STPG2: variants seen among roughly 807,000 people sequenced by gnomAD.
STPG2 encodes the protein sperm-tail PG-rich repeat-containing protein 2.
A neutral mutation model predicts 54.2 loss-of-function variants in STPG2; 56 were observed. The observed-to-expected ratio is 1.03, with a 90% CI of 0.83 to 1.29. The LOEUF is 1.29. Ranked by LOEUF, STPG2 falls within the 50% of genes most tolerant of loss-of-function variation. The pLI is 0.00. For missense variants in STPG2, 596 were observed against 544.9 expected (o/e 1.09, Z -0.93); for synonymous variants, 200 against 181.8 (o/e 1.10, Z -0.81).
At chr4:98,087,085 A>G (rs1287235944) in intron 5 of STPG2, among the ~76,000 whole-genome samples, 2 of 152,206 alleles carry the variant, frequency 1.3e-5, no homozygotes, top group Non-Finnish European at 2.9e-5. Context: ...TGATTGTTAT[A>G]CAGACACATA....
intron 10 of STPG2, among the ~76,000 whole-genome samples, chr4:97,606,946 T>A (rs561285320): frequency 6.6e-6 from 1 of 152,026 alleles, no homozygotes; most frequent in African/African-American, 2.4e-5. Flanking sequence ...TCAGATGTAC[T>A]GACATGGAAC....
intron 8 of STPG2, among the ~76,000 whole-genome samples, chr4:97,899,464 A>G (rs1027717448): frequency 6.6e-6 from 1 of 152,030 alleles, no homozygotes; most frequent in Admixed American, 6.6e-5. Flanking sequence ...CTGAACTAGA[A>G]AAAAAATTTT....
At chr4:97,949,251 G>A (rs952913229) in intron 7 of STPG2, among the ~76,000 whole-genome samples, 1 of 151,756 alleles carries the variant, frequency 6.6e-6, no homozygotes, top group African/African-American at 2.4e-5. Flanking sequence ...GGTCACTTTG[G>A]GTTTCCATTT....
intron 9 of STPG2, among the ~76,000 whole-genome samples, chr4:97,742,557 G>GTATATATATA (rs1230964057): frequency 2.6e-5 from 3 of 115,804 alleles, no homozygotes; most frequent in African/African-American, 1.1e-4. Flanking sequence ...GTGTGTGTGT[G>GTATATATATA]TGTGTGTGTC....
At chr4:97,472,951 T>G (rs1729974911) in intron 4 of STPG2, among the ~76,000 whole-genome samples, 1 of 152,240 alleles carries the variant, frequency 6.6e-6, no homozygotes, top group African/African-American at 2.4e-5. Flanking sequence ...TGCTTATGCC[T>G]GTCTTTACTG....
intron 5 of STPG2, among the ~76,000 whole-genome samples, chr4:97,994,165 T>C (rs1354160392): frequency 2.6e-5 from 4 of 152,182 alleles, no homozygotes; most frequent in Non-Finnish European, 4.4e-5. Context: ...AGAGGTTGTA[T>C]CATTCTTACC....
intron 8 of STPG2, among the ~76,000 whole-genome samples, chr4:97,914,408 G>T (rs940461973): frequency 2.0e-5 from 3 of 152,098 alleles, no homozygotes; most frequent in Non-Finnish European, 2.9e-5. Context: ...GTCATGAAAA[G>T]ATTTTTTTTA....
At chr4:98,113,147 T>A (rs2110148032) in intron 3 of STPG2, among the ~76,000 whole-genome samples, 1 of 152,022 alleles carries the variant, frequency 6.6e-6, no homozygotes, top group Middle Eastern at 3.4e-3. Flanking sequence ...CCCTACTTTA[T>A]CCCAGCTAAT....
chr4:97,982,208 A>C (rs1204624431), intron 5 of STPG2, among the ~76,000 whole-genome samples: 1 of 152,090 alleles, frequency 6.6e-6, no homozygotes, highest in East Asian at 1.9e-4. Flanking sequence ...ATTTGAAAAG[A>C]ATTTCAAATT....
chr4:97,829,226 G>A (rs1728361488), intron 9 of STPG2, among the ~76,000 whole-genome samples: 1 of 152,128 alleles, frequency 6.6e-6, no homozygotes, highest in Non-Finnish European at 1.5e-5. Flanking sequence ...GTGATACCCA[G>A]GCAAACAGGG....
At chr4:97,841,164 A>G (rs999033093) in intron 8 of STPG2, among the ~76,000 whole-genome samples, 2 of 151,814 alleles carry the variant, frequency 1.3e-5, no homozygotes, top group African/African-American at 4.8e-5. Context: ...GAACTTTAGG[A>G]TCATATTCTT....
At chr4:97,485,820 G>T (rs1292859392) in intron 4 of STPG2, among the ~76,000 whole-genome samples, 3 of 151,962 alleles carry the variant, frequency 2.0e-5, no homozygotes, top group Non-Finnish European at 4.4e-5. Context: ...CACCAAAACA[G>T]CATGGTGCTG....
chr4:97,499,160 T>C (rs1730673643), intron 4 of STPG2, among the ~76,000 whole-genome samples: 1 of 151,972 alleles, frequency 6.6e-6, no homozygotes, highest in African/African-American at 2.4e-5. Flanking sequence ...AGAGTTTCTA[T>C]CTTCAGGCAC....
chr4:97,841,560 T>C (rs926049136), intron 8 of STPG2, among the ~76,000 whole-genome samples: 5 of 151,822 alleles, frequency 3.3e-5, no homozygotes, highest in African/African-American at 1.2e-4. Flanking sequence ...ACTATCTCAG[T>C]GAAAACTTTT....
At chr4:98,065,046 CA>C (rs1280812955) in intron 5 of STPG2, among the ~76,000 whole-genome samples, 1 of 152,088 alleles carries the variant, frequency 6.6e-6, no homozygotes, top group Admixed American at 6.6e-5. Flanking sequence ...ACTACAAGTG[CA>C]TGCCACTAAG....
chr4:97,569,230 G>C (rs1249823279), intron 10 of STPG2, among the ~76,000 whole-genome samples: 2 of 152,120 alleles, frequency 1.3e-5, no homozygotes, highest in African/African-American at 2.4e-5. Flanking sequence ...GGTAACTTCT[G>C]GACATTGCCA....
chr4:97,992,160 T>C (rs1260816192), intron 5 of STPG2, among the ~76,000 whole-genome samples: 1 of 152,200 alleles, frequency 6.6e-6, no homozygotes, highest in Non-Finnish European at 1.5e-5. Context: ...TTCTTGGTCA[T>C]GAAGTCTTTG....
At chr4:97,562,581 T>A (rs193003830) in intron 10 of STPG2, among the ~76,000 whole-genome samples, 2 of 152,226 alleles carry the variant, frequency 1.3e-5, no homozygotes, top group Admixed American at 6.5e-5. Flanking sequence ...TGTGGGTTTG[T>A]CATAGATAGC....
chr4:97,479,646 T>C (rs1730169764), intron 4 of STPG2, among the ~76,000 whole-genome samples: 2 of 151,908 alleles, frequency 1.3e-5, no homozygotes, highest in South Asian at 4.1e-4. Context: ...ACTAACCAGA[T>C]TTTAGAGTCT....
Sources: allele counts gnomAD v4.1 joint callset (sites outside exome capture counted in the v4.1 genomes callset), GRCh38; gene constraint gnomAD v4.1.1; transcripts MANE v1.5; gene names NCBI Gene and HGNC (gene_info 2026-07-23, HGNC 2026-07-21).